Variants in LPGAT1 observed in about 807,000 individuals in gnomAD.
LPGAT1 encodes the protein acyl-CoA:lysophosphatidylglycerol acyltransferase 1.
In LPGAT1, 11 loss-of-function variants were observed where a neutral mutation model predicts 47.5. The observed-to-expected ratio is 0.23, with a 90% CI of 0.15 to 0.38. The LOEUF (loss-of-function observed/expected upper bound fraction) is 0.38. Among genes scored for constraint, LPGAT1 ranks in the 10% least tolerant of loss-of-function variants. The probability of loss-of-function intolerance (pLI) is 1.00; values close to 1 mark genes in which losing one functional copy is unlikely to be tolerated. For missense variants in LPGAT1, 293 were observed against 439.0 expected (o/e 0.67, Z 2.97); for synonymous variants, 138 against 144.2 (o/e 0.96, Z 0.31).
chr1:211,757,195 A>G (rs1368193250), intron 6 of LPGAT1, among the ~76,000 whole-genome samples: 1 of 151,418 alleles, frequency 6.6e-6, no homozygotes, highest in Non-Finnish European at 1.5e-5. Flanking sequence ...CGGAGGTTGC[A>G]GTGAGCCGAG....
chr1:211,822,519 G>C (rs1019307812), intron 2 of LPGAT1, among the ~76,000 whole-genome samples: 2 of 152,124 alleles, frequency 1.3e-5, no homozygotes, highest in African/African-American at 4.8e-5. Context: ...ACTCACACCT[G>C]TAATCTGAGC....
At chr1:211,753,847 T>C (rs1245448780) in intron 6 of LPGAT1, among the ~76,000 whole-genome samples, 1 of 152,214 alleles carries the variant, frequency 6.6e-6, no homozygotes, top group Non-Finnish European at 1.5e-5. Flanking sequence ...GAATGGCTGA[T>C]TGAAAGCTCT....
chr1:211,787,832 T>A, intron 3 of LPGAT1, 105 bp from the exon 4 acceptor site: 1 of 630,170 alleles, frequency 1.6e-6, no homozygotes, highest in Non-Finnish European at 2.8e-6. Flanking sequence ...TACTTTTAAT[T>A]AACCAAAATA....
intron 6 of LPGAT1, among the ~76,000 whole-genome samples, chr1:211,766,757 G>A (rs926951321): frequency 1.3e-5 from 2 of 152,166 alleles, no homozygotes; most frequent in African/African-American, 4.8e-5. Flanking sequence ...ACTAGCCTGG[G>A]AAAAGATCAA....
At chr1:211,774,130 G>GTATTTTTTTT (rs1158580879) in intron 6 of LPGAT1, among the ~76,000 whole-genome samples, 1 of 14,666 alleles carries the variant, frequency 6.8e-5, no homozygotes, top group East Asian at 3.1e-3. Flanking sequence ...TTTTTTAAAA[G>GTATTTTTTTT]TCTTTTTTTT....
At chr1:211,790,329 G>A (rs1394042797) in intron 3 of LPGAT1, among the ~76,000 whole-genome samples, 2 of 152,144 alleles carry the variant, frequency 1.3e-5, no homozygotes, top group Non-Finnish European at 2.9e-5. Flanking sequence ...TACTCCCACT[G>A]AGAAACTAAT....
chr1:211,774,132 C>CTTT lies in LPGAT1; in HGVS notation c.854+4783_854+4785dup, dbSNP rs67342051. ...AAAGTGCTTTGTGTTTTTTAAAAGT[C>CTTT]TTTTTTTTTTTTTTTTTTTTGAGAC... On this transcript the variant is annotated intron_variant, in intron 6 of 7. Transcript: ENST00000366997. Among the ~76,000 whole-genome samples the CTTT allele has an allele frequency of 2.1e-4, 14 of 66,822 alleles. 2 individuals carry two copies. The highest frequency in any genetic ancestry group is 1.3e-3 in the Admixed American group (5 of 3,736). The allele number at this position is 66,822 out of a possible 152,430, so 43.8% of individuals were successfully genotyped here.
At chr1:211,779,081 A>G (rs200678049) in intron 5 of LPGAT1, 37 bp from the exon 6 acceptor site, 153 of 1,513,388 alleles carry the variant, frequency 1.0e-4, no homozygotes, top group East Asian at 2.1e-4. Flanking sequence ...AATTAAATCA[A>G]CTTTTATATT....
At chr1:211,760,672 T>C (rs975990596) in intron 6 of LPGAT1, among the ~76,000 whole-genome samples, 5 of 152,120 alleles carry the variant, frequency 3.3e-5, no homozygotes, top group African/African-American at 1.2e-4. Flanking sequence ...GCAAACTCTA[T>C]TTTCTCACCT....
intron 2 of LPGAT1, 36 bp from the exon 3 acceptor site, chr1:211,793,226 A>G: frequency 5.1e-6 from 7 of 1,363,294 alleles, no homozygotes; most frequent in Non-Finnish European, 7.3e-6. Context: ...CTGTCATTTT[A>G]AAGATTTTTA....
chr1:211,754,013 C>T (rs1657325609), intron 6 of LPGAT1, among the ~76,000 whole-genome samples: 2 of 152,122 alleles, frequency 1.3e-5, no homozygotes, highest in Admixed American at 6.5e-5. Flanking sequence ...GCTAGCTTTC[C>T]GGTAGCCAGT....
chr1:211,774,130 G>GTTTTTTTTTTTTTT (rs1158580879), intron 6 of LPGAT1, among the ~76,000 whole-genome samples: 5 of 14,636 alleles, frequency 3.4e-4, no homozygotes, highest in African/African-American at 9.6e-4. Flanking sequence ...TTTTTTAAAA[G>GTTTTTTTTTTTTTT]TCTTTTTTTT....
chr1:211,809,646 C>G (rs544190603), intron 2 of LPGAT1, among the ~76,000 whole-genome samples: 1 of 152,072 alleles, frequency 6.6e-6, no homozygotes, highest in East Asian at 1.9e-4. Flanking sequence ...ATAAGTCTCA[C>G]GAGATCCAAT....
rs1012843232 is a variant in LPGAT1 at position 211,828,222 on chromosome 1, G to C, written c.238+837C>G. On this transcript the variant is annotated intron_variant, in intron 2 of 7. Transcript: ENST00000366997. Reference sequence around the variant, plus strand: ...TTCTGTGCTAAAAGCCTCCACATCTGACAAGTGCTAAAAACCTCTATGATT... The same window carrying C: ...TTCTGTGCTAAAAGCCTCCACATCTCACAAGTGCTAAAAACCTCTATGATT... Among the ~76,000 whole-genome samples the C allele has an allele frequency of 3.9e-5, 6 of 152,088 alleles. 1 individual carries two copies. Among genetic ancestry groups the C allele is most frequent in the African/African-American group, 4.8e-5 (2 of 41,410 alleles).
At chr1:211,826,175 G>A (rs1333963824) in intron 2 of LPGAT1, among the ~76,000 whole-genome samples, 1 of 152,100 alleles carries the variant, frequency 6.6e-6, no homozygotes, top group African/African-American at 2.4e-5. Flanking sequence ...TTAAGTTCTT[G>A]GGCTTACTGG....
rs1657051787 is a variant in LPGAT1 at position 211,748,839 on chromosome 1, G to C, written c.*1060C>G. 1 of 152,546 alleles carries C rather than the reference G, an allele frequency of 6.6e-6. No homozygotes were observed. The highest frequency in any genetic ancestry group is 1.5e-5 in the Non-Finnish European group (1 of 68,042). 9.4% of individuals were successfully genotyped at this position (152,546 alleles called of 1,614,324 possible). A position where few individuals can be genotyped will look rare whatever the true frequency, so the allele number is the denominator to read the frequency against. On this transcript the variant is annotated 3_prime_UTR_variant, in exon 8 of 8. Transcript: ENST00000366997. ...CACAGGTCCTAGGGGTGCCACATGA[G>C]AACCTGTCACCATTATAAGCCACTA...
intron 3 of LPGAT1, chr1:211,792,531 T>G (rs1349046547): frequency 6.6e-6 from 1 of 151,922 alleles, no homozygotes; most frequent in Non-Finnish European, 1.5e-5. Flanking sequence ...AACAGTCTTA[T>G]TGAAATATAA....
intron 6 of LPGAT1, among the ~76,000 whole-genome samples, chr1:211,772,954 TTC>T (rs1348319070): frequency 1.4e-4 from 22 of 152,180 alleles, no homozygotes; most frequent in Admixed American, 1.1e-3. Flanking sequence ...TGAAATATTA[TTC>T]TCTGTTTTTA....
At chr1:211,772,627 C>T (rs1389153068) in intron 6 of LPGAT1, among the ~76,000 whole-genome samples, 2 of 152,102 alleles carry the variant, frequency 1.3e-5, no homozygotes, top group Non-Finnish European at 2.9e-5. Flanking sequence ...GAAATATTTA[C>T]AAATAACATT....
Sources: allele counts gnomAD v4.1 joint callset (sites outside exome capture counted in the v4.1 genomes callset), GRCh38; gene constraint gnomAD v4.1.1; transcripts MANE v1.5; gene names NCBI Gene and HGNC (gene_info 2026-07-23, HGNC 2026-07-21).